The following MPPED1 variants were observed in gnomAD, a reference collection of about 807,000 sequenced individuals.
MPPED1 encodes the protein metallophosphoesterase domain containing 1, also known as metallophosphoesterase domain-containing protein 1.
MPPED1 carries 16 observed loss-of-function variants against 36.2 expected under a neutral mutation model. The ratio of observed to expected loss-of-function variants is 0.44; its 90% confidence interval spans 0.30 to 0.67. The LOEUF (loss-of-function observed/expected upper bound fraction) is 0.67. Among genes scored for constraint, MPPED1 ranks in the 30% least tolerant of loss-of-function variants. MPPED1 has a pLI of 0.10. For synonymous variants in MPPED1, 199 were observed against 191.3 expected, an observed-to-expected ratio of 1.04 and a Z score of -0.33; for missense variants, 307 against 453.4, an observed-to-expected ratio of 0.68 and a Z score of 2.93.
intron 6 of MPPED1, among the ~76,000 whole-genome samples, chr22:43,504,945 T>G (rs1932779293): frequency 7.4e-6 from 1 of 135,318 alleles, no homozygotes; most frequent in African/African-American, 2.5e-5. Flanking sequence ...TTGATGATGT[T>G]GGTGATGGCG....
In MPPED1 at chr22:43,505,717, C is replaced by A; in HGVS notation, c.*101C>A. The A allele has an allele frequency of 9.5e-7, 1 of 1,047,950 alleles. No homozygotes were observed. Among genetic ancestry groups the A allele is most frequent in the Non-Finnish European group, 1.4e-6 (1 of 706,042 alleles). The allele number at this position is 1,047,950 out of a possible 1,614,324, so 64.9% of individuals were successfully genotyped here. A position where few individuals can be genotyped will look rare whatever the true frequency, so the allele number is the denominator to read the frequency against. On this transcript the variant is annotated 3_prime_UTR_variant, in exon 7 of 7. Transcript: ENST00000443721. Reference sequence around the variant, plus strand: ...TGAGTTGCCTGGACGACCCATCTGGCTGCGGGGACTGGCCTAGCAGGCAGG... The same window carrying A: ...TGAGTTGCCTGGACGACCCATCTGGATGCGGGGACTGGCCTAGCAGGCAGG...
intron 3 of MPPED1, among the ~76,000 whole-genome samples, chr22:43,464,814 C>T (rs1405593777): frequency 6.6e-6 from 1 of 152,240 alleles, no homozygotes; most frequent in Non-Finnish European, 1.5e-5. Flanking sequence ...CTAAGCCAGT[C>T]TACCCATCCA....
intron 3 of MPPED1, among the ~76,000 whole-genome samples, chr22:43,463,867 CT>C (rs1194517913): frequency 1.9e-4 from 19 of 98,452 alleles, no homozygotes; most frequent in African/African-American, 6.7e-4. Context: ...TTCTTTCTTT[CT>C]TTCTTTCTCT....
At chr22:43,435,849 T>C (rs1283474018) in intron 3 of MPPED1, among the ~76,000 whole-genome samples, 1 of 152,110 alleles carries the variant, frequency 6.6e-6, no homozygotes, top group East Asian at 1.9e-4. Context: ...AGAGTGAGAC[T>C]CTGTCTCAAA....
At chr22:43,500,412 A>T (rs867977819) in intron 5 of MPPED1, among the ~76,000 whole-genome samples, 1 of 86,752 alleles carries the variant, frequency 1.2e-5, no homozygotes, top group African/African-American at 5.4e-5. Flanking sequence ...AGTGGTGGTG[A>T]TGGAGGTGGT....
intron 3 of MPPED1, among the ~76,000 whole-genome samples, chr22:43,444,011 GT>G (rs1172007768): frequency 1.3e-5 from 2 of 152,042 alleles, no homozygotes; most frequent in African/African-American, 4.8e-5. Context: ...TGCAGCAGAG[GT>G]TTGATCTTCA....
intron 2 of MPPED1, among the ~76,000 whole-genome samples, chr22:43,430,444 T>G (rs928593227): frequency 6.6e-6 from 1 of 152,088 alleles, no homozygotes; most frequent in Non-Finnish European, 1.5e-5. Flanking sequence ...TGGAGCCTGG[T>G]GGGGTCCAGG....
At chr22:43,489,515 C>T (rs1022828717) in intron 4 of MPPED1, among the ~76,000 whole-genome samples, 5 of 150,832 alleles carry the variant, frequency 3.3e-5, no homozygotes, top group Non-Finnish European at 7.4e-5. Context: ...CTCCTCCTGT[C>T]CCCTGACATT....
chr22:43,485,584 C>T (rs1247812276), intron 4 of MPPED1, among the ~76,000 whole-genome samples: 3 of 152,110 alleles, frequency 2.0e-5, no homozygotes, highest in African/African-American at 7.2e-5. Context: ...CTCTTCTGCC[C>T]CCTTCCTATC....
chr22:43,478,003 G>A (rs762044323), intron 4 of MPPED1, among the ~76,000 whole-genome samples: 1 of 152,220 alleles, frequency 6.6e-6, no homozygotes, highest in Non-Finnish European at 1.5e-5. Flanking sequence ...CTTGGGGAGC[G>A]AGGAAGAGGA....
chr22:43,426,930 CTG>C (rs979360143), intron 2 of MPPED1, among the ~76,000 whole-genome samples: 5 of 152,256 alleles, frequency 3.3e-5, no homozygotes, highest in Non-Finnish European at 7.3e-5. Flanking sequence ...GCTCCTCGGT[CTG>C]TGAGACTTGA....
chr22:43,488,282 C>T (rs1452331971), intron 4 of MPPED1, among the ~76,000 whole-genome samples: 2 of 152,150 alleles, frequency 1.3e-5, no homozygotes, highest in Non-Finnish European at 2.9e-5. Context: ...GGAAATGGGG[C>T]GCAGCCAGGG....
At chr22:43,489,185 C>T (rs1435929781) in intron 4 of MPPED1, among the ~76,000 whole-genome samples, 2 of 152,116 alleles carry the variant, frequency 1.3e-5, no homozygotes, top group African/African-American at 4.8e-5. Context: ...GTCATTTCAT[C>T]CCCACACACA....
At chr22:43,442,690 A>G (rs997209948) in intron 3 of MPPED1, among the ~76,000 whole-genome samples, 5 of 152,080 alleles carry the variant, frequency 3.3e-5, no homozygotes, top group African/African-American at 1.2e-4. Flanking sequence ...CAAGCACTGG[A>G]GGTCAGGGAT....
chr22:43,454,150 C>T (rs1008619636), intron 3 of MPPED1, among the ~76,000 whole-genome samples: 43 of 151,496 alleles, frequency 2.8e-4, no homozygotes, highest in African/African-American at 9.7e-4. Context: ...CTGGGATTAC[C>T]GGCACCCACC....
chr22:43,417,722 A>G (rs1172163675), intron 1 of MPPED1: 1 of 222,930 alleles, frequency 4.5e-6, no homozygotes, highest in African/African-American at 2.3e-5. Context: ...CAAAAGCCCT[A>G]GTAAGCACTG....
intron 3 of MPPED1, among the ~76,000 whole-genome samples, chr22:43,463,815 C>CTTTCTTT (rs1377538955): frequency 6.3e-5 from 3 of 47,984 alleles, no homozygotes; most frequent in Middle Eastern, 0.011. Context: ...TCTTTTCTTT[C>CTTTCTTT]TTTCTTTCTT....
chr22:43,504,459 C>T (rs1023337548), intron 6 of MPPED1, among the ~76,000 whole-genome samples: 5 of 151,556 alleles, frequency 3.3e-5, no homozygotes, highest in African/African-American at 4.9e-5. Flanking sequence ...GGTGATGACA[C>T]CATTCTTGAT....
In MPPED1 at chr22:43,435,145, G is replaced by A. The variant is rs1312089361; in HGVS notation, c.336G>A (p.Val112=). ...TDPIQMPYGD[V]LIHAGDFTEL... ...CCATCCAGATGCCGTACGGCGACGT[G>A]CTGATCCACGCTGGGGACTTCACTG... Residue 112 remains valine, a synonymous_variant, in exon 3 of 7, where the codon GTG becomes GTA. Transcript: ENST00000443721. 6.2e-7 allele frequency: 1 copy of A among 1,613,502 alleles called. No individual in the cohort carries two copies. The highest frequency in any genetic ancestry group is 8.5e-7 in the Non-Finnish European group (1 of 1,179,896).
Sources: allele counts gnomAD v4.1 joint callset (sites outside exome capture counted in the v4.1 genomes callset), GRCh38; gene constraint gnomAD v4.1.1; transcripts MANE v1.5; gene names NCBI Gene and HGNC (gene_info 2026-07-23, HGNC 2026-07-21).